CDH23: variants seen among roughly 807,000 people sequenced by gnomAD.
CDH23 encodes the protein cadherin related 23.
A neutral mutation model predicts 317.1 loss-of-function variants in CDH23; 189 were observed. That is an observed-to-expected ratio of 0.60 (90% CI 0.53 to 0.67). The LOEUF (loss-of-function observed/expected upper bound fraction) is 0.67, where lower values mean the gene tolerates loss of function less well. CDH23 is among the 30% of genes least tolerant of loss of function. The pLI, the probability that CDH23 is intolerant of heterozygous loss-of-function variation, is 0.00. For missense variants in CDH23, 4,401 were observed against 4,592.4 expected (o/e 0.96, Z 1.20); for synonymous variants, 1,839 against 1,876.8 (o/e 0.98, Z 0.52).
intron 11 of CDH23, among the ~76,000 whole-genome samples, chr10:71,642,631 C>A (rs1197480617): frequency 6.6e-6 from 1 of 151,792 alleles, no homozygotes; most frequent in Non-Finnish European, 1.5e-5. Flanking sequence ...AACTCCTGAC[C>A]TCAAGTGATC....
chr10:71,767,019 G>A (rs1316977695), intron 38 of CDH23, among the ~76,000 whole-genome samples: 2 of 152,260 alleles, frequency 1.3e-5, no homozygotes, highest in Non-Finnish European at 2.9e-5. Context: ...ACATGGGCCA[G>A]GCCCAGGCAG....
intron 3 of CDH23, among the ~76,000 whole-genome samples, chr10:71,496,138 T>C (rs1852951734): frequency 6.6e-6 from 1 of 152,260 alleles, no homozygotes; most frequent in Admixed American, 6.5e-5. Context: ...TACTGCTGTC[T>C]GGGTCCTGCA....
At chr10:71,632,295 G>A (rs1244243476) in intron 11 of CDH23, among the ~76,000 whole-genome samples, 1 of 152,162 alleles carries the variant, frequency 6.6e-6, no homozygotes, top group African/African-American at 2.4e-5. Flanking sequence ...TGCGTAATTT[G>A]CACCCTCCTA....
intron 3 of CDH23, among the ~76,000 whole-genome samples, chr10:71,470,212 C>T (rs191934642): frequency 9.6e-4 from 146 of 152,276 alleles, no homozygotes; most frequent in African/African-American, 3.4e-3. Context: ...TGGCAGTGGG[C>T]GGGGGTCCCA....
chr10:71,758,000 A>G (rs1160665899), intron 38 of CDH23, among the ~76,000 whole-genome samples: 4 of 152,134 alleles, frequency 2.6e-5, no homozygotes, highest in Non-Finnish European at 5.9e-5. Context: ...GTTATTTCAT[A>G]GTCAAGCTAC....
intron 11 of CDH23, among the ~76,000 whole-genome samples, chr10:71,631,596 C>T (rs1429017949): frequency 6.6e-6 from 1 of 152,204 alleles, no homozygotes; most frequent in Admixed American, 6.5e-5. Flanking sequence ...TTGTGATAGC[C>T]CTCATTAGGG....
Position 71,497,632 on chromosome 10 carries a change from C to T in CDH23, c.146-12450C>T, listed in dbSNP as rs373480811. Among the ~76,000 whole-genome samples, 20 of 152,324 alleles carry T rather than the reference C, an allele frequency of 1.3e-4. 1 individual carries two copies. The South Asian group carries it at 3.5e-3, about 27-fold the overall frequency. On this transcript the variant is annotated intron_variant, in intron 3 of 69. Transcript: ENST00000224721. ...GGGTCTTCTCTGCCTGTCTATCCTC[C>T]GCTGCGGAGCGCCTTCCTTGTACAC...
chr10:71,677,388 C>A, intron 15 of CDH23, 68 bp from the exon 16 acceptor site: 1 of 1,281,552 alleles, frequency 7.8e-7, no homozygotes, highest in South Asian at 1.4e-5. Context: ...CTGGGAAATG[C>A]CGGCCCCATC....
intron 28 of CDH23, among the ~76,000 whole-genome samples, chr10:71,721,614 A>G (rs1866559865): frequency 1.3e-5 from 2 of 152,194 alleles, no homozygotes; most frequent in South Asian, 2.1e-4. Context: ...TTTTTGCTCC[A>G]GTGTACTCGT....
chr10:71,709,251 G>C, intron 27 of CDH23, 40 bp downstream of exon 27: 2 of 1,568,814 alleles, frequency 1.3e-6, no homozygotes, highest in East Asian at 4.5e-5. Context: ...AGTGATCTGG[G>C]CAGAGTTCAC....
chr10:71,768,668 C>T (rs1025633893), intron 38 of CDH23, among the ~76,000 whole-genome samples: 3 of 151,866 alleles, frequency 2.0e-5, no homozygotes, highest in African/African-American at 7.3e-5. Flanking sequence ...GATGGGGTCT[C>T]GTTATGTTGT....
intron 3 of CDH23, among the ~76,000 whole-genome samples, chr10:71,451,543 G>A (rs903001663): frequency 2.2e-4 from 33 of 152,208 alleles, no homozygotes; most frequent in Admixed American, 1.6e-3. Flanking sequence ...CTTTGCAGCT[G>A]TTGTTCCTGC....
chr10:71,463,521 C>T (rs76627983), intron 3 of CDH23, among the ~76,000 whole-genome samples: 2,670 of 152,308 alleles, frequency 0.018, 79 homozygotes, highest in African/African-American at 0.06. Flanking sequence ...TTCTCAGGAG[C>T]CCCTCTCTGG....
At chr10:71,526,506 C>A (rs534010206) in intron 6 of CDH23, among the ~76,000 whole-genome samples, 1 of 152,386 alleles carries the variant, frequency 6.6e-6, no homozygotes, top group South Asian at 2.1e-4. Flanking sequence ...GGGCAGGGCA[C>A]AGGCCTGGCA....
chr10:71,667,857 G>A (rs1402418031), intron 14 of CDH23, among the ~76,000 whole-genome samples: 1 of 152,118 alleles, frequency 6.6e-6, no homozygotes, highest in Non-Finnish European at 1.5e-5. Flanking sequence ...GAGCTGGGCT[G>A]GACATAGAGT....
chr10:71,425,395 G>A (rs2131963632), intron 1 of CDH23, among the ~76,000 whole-genome samples: 1 of 147,630 alleles, frequency 6.8e-6, no homozygotes, highest in Non-Finnish European at 1.5e-5. Flanking sequence ...AAGGAAGGAA[G>A]GAAGGAAGGA....
chr10:71,453,933 C>T (rs896229547), intron 3 of CDH23, among the ~76,000 whole-genome samples: 12 of 151,676 alleles, frequency 7.9e-5, no homozygotes, highest in East Asian at 1.9e-4. Flanking sequence ...ATCAGCTCTA[C>T]GAAAAAAAAT....
Position 71,704,996 on chromosome 10 carries a change from T to C in CDH23, c.2819T>C (p.Ile940Thr), listed in dbSNP as rs1241131548. Residue 940 changes from isoleucine to threonine, a missense_variant, in exon 25 of 70, where the codon ATC (isoleucine) becomes ACC (threonine). Physicochemically the swap from Ile to Thr is moderately conservative, Grantham distance 89. Around this residue, in one of 3 missense-constraint regions of CDH23, gnomAD observed 3,068 missense variants for 3,203.3 expected, o/e 0.96. Coordinates refer to ENST00000224721, the MANE Select transcript of CDH23 (RefSeq NM_022124.6). Reference protein sequence around the residue: ...PVGMPRMDFLINSSSGVVVTT... With the variant: ...PVGMPRMDFLTNSSSGVVVTT... ...GGCATGCCCCGCATGGACTTCCTCATCAACAGCAGCAGCGGCGTGGTGGTC... is the reference window on the plus strand; with the variant it reads ...GGCATGCCCCGCATGGACTTCCTCACCAACAGCAGCAGCGGCGTGGTGGTC... 1.2e-6 allele frequency: 2 copies of C among 1,612,650 alleles called. No homozygotes were observed. The highest frequency in any genetic ancestry group is 4.5e-5 in the East Asian group (2 of 44,830).
chr10:71,644,861 A>G (rs1294522532), intron 12 of CDH23, among the ~76,000 whole-genome samples: 1 of 152,204 alleles, frequency 6.6e-6, no homozygotes, highest in African/African-American at 2.4e-5. Flanking sequence ...GCTCTTACAC[A>G]TCACAGGCCG....
Sources: allele counts gnomAD v4.1 joint callset (sites outside exome capture counted in the v4.1 genomes callset), GRCh38; gene constraint gnomAD v4.1.1; regional missense constraint gnomAD v4.1.1; transcripts MANE v1.5; gene names NCBI Gene and HGNC (gene_info 2026-07-23, HGNC 2026-07-21).